GDAP1: variants seen among roughly 807,000 people sequenced by gnomAD.
The protein encoded by GDAP1 is ganglioside induced differentiation associated protein 1, also known as ganglioside-induced differentiation-associated protein 1.
In GDAP1, 34 loss-of-function variants were observed where a neutral mutation model predicts 40.1. That is an observed-to-expected ratio of 0.85 (90% confidence interval 0.64 to 1.13). The LOEUF (loss-of-function observed/expected upper bound fraction) is 1.13, where lower values mean the gene tolerates loss of function less well. Ranked by LOEUF, GDAP1 falls within the 50% of genes most tolerant of loss-of-function variation. The pLI is 0.00. For synonymous variants in GDAP1, 170 were observed against 157.4 expected (o/e 1.08, Z -0.60); for missense variants, 374 against 433.7 (o/e 0.86, Z 1.22).
chr8:74,486,991 A>G (rs1416021266), intron 2 of GDAP1, among the ~76,000 whole-genome samples: 2 of 152,140 alleles, frequency 1.3e-5, no homozygotes, highest in African/African-American at 4.8e-5. Flanking sequence ...CTATGTAACC[A>G]TTCACAAGTT....
At chr8:74,463,047 G>A (rs1286999619) in intron 2 of GDAP1, among the ~76,000 whole-genome samples, 2 of 140,196 alleles carry the variant, frequency 1.4e-5, no homozygotes, top group African/African-American at 5.5e-5. Flanking sequence ...GACATTGCAA[G>A]TGATATGTAA....
intron 2 of GDAP1, among the ~76,000 whole-genome samples, chr8:74,401,021 A>G (rs1466965642): frequency 3.4e-5 from 5 of 149,232 alleles, no homozygotes; most frequent in Non-Finnish European, 5.9e-5. Flanking sequence ...GAATCTGACA[A>G]TTATGTGTCT....
Position 74,408,350 on chromosome 8 carries a change from G to A in GDAP1, c.165+57029G>A, listed in dbSNP as rs888398819. Among the ~76,000 whole-genome samples the A allele has an allele frequency of 2.2e-4, 33 of 150,158 alleles. 4 individuals are homozygous for A. Among genetic ancestry groups the A allele is most frequent in the African/African-American group, 7.9e-4 (31 of 39,478 alleles). Reference sequence around the variant, plus strand: ...GGAGGTGGCTTGAAATGGTCTGAATGTTTGTGTTGCTCTAAAATTCATCTA... The same window carrying A: ...GGAGGTGGCTTGAAATGGTCTGAATATTTGTGTTGCTCTAAAATTCATCTA... On this transcript the variant is annotated intron_variant, in intron 2 of 2. Coordinates refer to the GDAP1 transcript ENST00000523640.
chr8:74,467,396 G>A (rs551570173), intron 2 of GDAP1, among the ~76,000 whole-genome samples: 2 of 152,308 alleles, frequency 1.3e-5, no homozygotes, highest in Non-Finnish European at 2.9e-5. Flanking sequence ...TAAGCAGCTA[G>A]ATTTAACCAC....
At position 74,365,325 on chromosome 8, in the gene GDAP1, C is replaced by G; in HGVS notation, c.*958C>G. On this transcript the variant is annotated 3_prime_UTR_variant, in exon 6 of 6. Transcript: ENST00000220822. ...TTGTTAGAAAGGTCTAGTCTTAGCA[C>G]TTGGCAGTTAATCTAGGGAAGATGA... 1 of 454,000 alleles carries G rather than the reference C, an allele frequency of 2.2e-6. No individual in the cohort carries two copies. The highest frequency in any genetic ancestry group is 1.6e-5 in the South Asian group (1 of 64,472). 28.1% of individuals were successfully genotyped at this position (454,000 alleles called of 1,614,324 possible).
chr8:74,398,306 T>C (rs1810246414), intron 2 of GDAP1, among the ~76,000 whole-genome samples: 3 of 152,176 alleles, frequency 2.0e-5, no homozygotes. Context: ...TTGTTTTGTT[T>C]TCGTTTGCTT....
At chr8:74,393,974 C>T (rs919030527) in intron 2 of GDAP1, among the ~76,000 whole-genome samples, 16 of 152,106 alleles carry the variant, frequency 1.1e-4, no homozygotes, top group Non-Finnish European at 1.8e-4. Context: ...GCTTATATAA[C>T]TCCATTCTTA....
rs1809620776 is a variant in GDAP1, at chr8:74,366,093, TAGA to T, written c.*1729_*1731del. 1 of 439,556 alleles carries T rather than the reference TAGA, an allele frequency of 2.3e-6. No homozygotes were observed. Among genetic ancestry groups the T allele is most frequent in the South Asian group, 1.7e-5 (1 of 60,256 alleles). 27.2% of individuals were successfully genotyped at this position (439,556 alleles called of 1,614,324 possible). A position where few individuals can be genotyped will look rare whatever the true frequency, so the allele number is the denominator to read the frequency against. On this transcript the variant is annotated 3_prime_UTR_variant, in exon 6 of 6. Transcript: ENST00000220822. ...TGAAAAAGTTGTTAAGAATAAAAAT[TAGA>T]AGTCCATGGTTAACTTTTCCTTCAA...
chr8:74,464,573 C>G (rs1424771383), intron 2 of GDAP1, among the ~76,000 whole-genome samples: 1 of 152,204 alleles, frequency 6.6e-6, no homozygotes, highest in Non-Finnish European at 1.5e-5. Context: ...GTTGTCCCTG[C>G]GTCCATCTAG....
intron 2 of GDAP1, among the ~76,000 whole-genome samples, chr8:74,386,250 A>G (rs1054699322): frequency 7.6e-5 from 8 of 105,418 alleles, no homozygotes; most frequent in African/African-American, 3.8e-4. Flanking sequence ...TGCTTTCGTC[A>G]TAAGTTTTTG....
At chr8:74,401,304 C>A (rs1454933469) in intron 2 of GDAP1, among the ~76,000 whole-genome samples, 1 of 149,430 alleles carries the variant, frequency 6.7e-6, no homozygotes, top group Non-Finnish European at 1.5e-5. Flanking sequence ...TCATTCATTT[C>A]ATCTTCCATC....
At chr8:74,358,423 A>G (rs1367043490) in intron 2 of GDAP1, among the ~76,000 whole-genome samples, 1 of 152,230 alleles carries the variant, frequency 6.6e-6, no homozygotes, top group African/African-American at 2.4e-5. Flanking sequence ...CCCCTAAAGC[A>G]TTAGTTCTTA....
intron 2 of GDAP1, among the ~76,000 whole-genome samples, chr8:74,479,156 C>T (rs1045296023): frequency 2.0e-5 from 3 of 152,122 alleles, no homozygotes; most frequent in African/African-American, 7.2e-5. Context: ...ACTTTACAGA[C>T]CTTATAATAG....
At chr8:74,468,524 C>T (rs940336378) in intron 2 of GDAP1, among the ~76,000 whole-genome samples, 5 of 132,440 alleles carry the variant, frequency 3.8e-5, no homozygotes, top group Non-Finnish European at 8.2e-5. Context: ...CACACACACA[C>T]ATGAATGTGT....
At chr8:74,358,892 C>T (rs530517145) in intron 2 of GDAP1, among the ~76,000 whole-genome samples, 1 of 152,280 alleles carries the variant, frequency 6.6e-6, no homozygotes, top group South Asian at 2.1e-4. Context: ...AGGAGTGCTT[C>T]TGGCTTTGAT....
chr8:74,415,207 A>G (rs1373084121), intron 2 of GDAP1, among the ~76,000 whole-genome samples: 1 of 150,322 alleles, frequency 6.7e-6, no homozygotes, highest in Non-Finnish European at 1.5e-5. Context: ...TATATTAGGA[A>G]TTATAGAACA....
At chr8:74,402,033 C>T (rs1403257954) in intron 2 of GDAP1, among the ~76,000 whole-genome samples, 11 of 150,330 alleles carry the variant, frequency 7.3e-5, no homozygotes, top group East Asian at 3.9e-4. Context: ...GCAGTCTGCC[C>T]GTTCTCAGAT....
intron 4 of GDAP1, among the ~76,000 whole-genome samples, chr8:74,362,724 T>A (rs1039261535): frequency 1.3e-5 from 2 of 150,676 alleles, no homozygotes; most frequent in Non-Finnish European, 3.0e-5. Context: ...GAGTGGTGGG[T>A]CTGCTCCTGG....
At chr8:74,396,773 G>T (rs911611006) in intron 2 of GDAP1, among the ~76,000 whole-genome samples, 6 of 152,132 alleles carry the variant, frequency 3.9e-5, no homozygotes, top group African/African-American at 1.4e-4. Flanking sequence ...CATTTGGGTT[G>T]GTTCCAAGTC....
Sources: allele counts gnomAD v4.1 joint callset (sites outside exome capture counted in the v4.1 genomes callset), GRCh38; gene constraint gnomAD v4.1.1; transcripts MANE v1.5; gene names NCBI Gene and HGNC (gene_info 2026-07-23, HGNC 2026-07-21).